The following LDB2 variants were observed in gnomAD, a reference collection of about 807,000 sequenced individuals.
LDB2 encodes the protein LIM domain binding 2.
In LDB2, 12 loss-of-function variants were observed where a neutral mutation model predicts 44.3. That is an observed-to-expected ratio of 0.27 (90% CI 0.17 to 0.44). LDB2 has a LOEUF of 0.44. LDB2 is among the 20% of genes least tolerant of loss of function. LDB2 has a pLI of 1.00. For missense variants in LDB2, 344 were observed against 473.5 expected, an observed-to-expected ratio of 0.73 and a Z score of 2.54; for synonymous variants, 164 against 174.8, an observed-to-expected ratio of 0.94 and a Z score of 0.49.
intron 2 of LDB2, among the ~76,000 whole-genome samples, chr4:16,612,609 T>C (rs558676013): frequency 7.9e-5 from 12 of 152,058 alleles, no homozygotes; most frequent in Admixed American, 2.6e-4. Context: ...CTAGAAGAAA[T>C]TGATAAATTC....
At chr4:16,838,704 G>A (rs1269456683) in intron 1 of LDB2, among the ~76,000 whole-genome samples, 1 of 152,160 alleles carries the variant, frequency 6.6e-6, no homozygotes, top group Non-Finnish European at 1.5e-5. Context: ...TCTCTGCCTG[G>A]CAGAGTAGGC....
chr4:16,548,842 A>G (rs536302413), intron 5 of LDB2, among the ~76,000 whole-genome samples: 10 of 152,378 alleles, frequency 6.6e-5, no homozygotes, highest in African/African-American at 2.4e-4. Context: ...ACATTTCACA[A>G]GGAAAACAGC....
chr4:16,775,610 A>G (rs1000005978), intron 1 of LDB2, among the ~76,000 whole-genome samples: 1 of 152,136 alleles, frequency 6.6e-6, no homozygotes, highest in African/African-American at 2.4e-5. Flanking sequence ...GGGTTTCCCT[A>G]TTCTCAGGAA....
chr4:16,747,286 A>C (rs1344354272), intron 2 of LDB2, among the ~76,000 whole-genome samples: 3 of 152,150 alleles, frequency 2.0e-5, no homozygotes, highest in Non-Finnish European at 4.4e-5. Flanking sequence ...CCATCTTTTA[A>C]AAAAATAATA....
At chr4:16,606,130 T>G (rs1412002663) in intron 2 of LDB2, among the ~76,000 whole-genome samples, 1 of 152,240 alleles carries the variant, frequency 6.6e-6, no homozygotes, top group East Asian at 1.9e-4. Flanking sequence ...CATTGTATTT[T>G]GTGTTTATTT....
intron 2 of LDB2, 65 bp downstream of exon 2, chr4:16,759,093 G>A: frequency 8.0e-6 from 8 of 1,003,422 alleles, no homozygotes; most frequent in South Asian, 1.3e-5. Flanking sequence ...ATTCTCTGAA[G>A]ACCCCTGCGG....
chr4:16,511,200 T>A (rs1056159633), intron 6 of LDB2, among the ~76,000 whole-genome samples: 1 of 152,234 alleles, frequency 6.6e-6, no homozygotes, highest in Non-Finnish European at 1.5e-5. Context: ...TGCCTCGTGT[T>A]AATAATTACT....
intron 1 of LDB2, among the ~76,000 whole-genome samples, chr4:16,880,448 G>A (rs1379424299): frequency 2.0e-5 from 3 of 152,152 alleles, no homozygotes; most frequent in Non-Finnish European, 2.9e-5. Flanking sequence ...TCACTCAGAA[G>A]GAGCACGTTT....
At chr4:16,633,134 G>T (rs1732493921) in intron 2 of LDB2, among the ~76,000 whole-genome samples, 1 of 152,180 alleles carries the variant, frequency 6.6e-6, no homozygotes, top group Non-Finnish European at 1.5e-5. Flanking sequence ...CATGTCCTTT[G>T]CAGGGACATG....
intron 2 of LDB2, among the ~76,000 whole-genome samples, chr4:16,672,604 A>T (rs1057229335): frequency 1.3e-5 from 2 of 152,234 alleles, no homozygotes; most frequent in Non-Finnish European, 2.9e-5. Context: ...TTTAGGCAGC[A>T]GCTACAGCAC....
intron 2 of LDB2, among the ~76,000 whole-genome samples, chr4:16,752,042 G>A (rs1015381072): frequency 2.0e-5 from 3 of 152,124 alleles, no homozygotes; most frequent in South Asian, 2.1e-4. Flanking sequence ...AACCCCATGC[G>A]AATAAATGCA....
intron 1 of LDB2, among the ~76,000 whole-genome samples, chr4:16,869,659 C>G (rs1051794748): frequency 1.3e-5 from 2 of 152,172 alleles, no homozygotes; most frequent in African/African-American, 4.8e-5. Flanking sequence ...GAAATCAAAA[C>G]CACTGCACCA....
chr4:16,603,458 G>A (rs1014862660), intron 2 of LDB2, among the ~76,000 whole-genome samples: 3 of 152,168 alleles, frequency 2.0e-5, no homozygotes, highest in African/African-American at 7.2e-5. Flanking sequence ...CCGTGATCTA[G>A]GCTGCTGCCT....
chr4:16,869,737 G>C lies in LDB2; in HGVS notation c.132+28617C>G, dbSNP rs73129851. Among the ~76,000 whole-genome samples, 571 of 152,242 alleles carry C rather than the reference G, an allele frequency of 3.8e-3. 5 individuals carry two copies. The highest frequency in any genetic ancestry group is 0.012 in the African/African-American group (507 of 41,524). ...CTTACGTCACAAAAGTACAGTTCAC[G>C]TGCTTCATTTTTTGAGTTTGGAGCT... On this transcript the variant is annotated intron_variant, in intron 1 of 7. Coordinates refer to ENST00000304523, the MANE Select transcript of LDB2 (RefSeq NM_001290.5).
intron 1 of LDB2, among the ~76,000 whole-genome samples, chr4:16,828,713 T>TAA (rs76994214): frequency 1.3e-5 from 2 of 151,828 alleles, no homozygotes; most frequent in African/African-American, 4.8e-5. Context: ...CACGTGCACT[T>TAA]AAAAAAATCC....
At chr4:16,880,821 G>C (rs995767223) in intron 1 of LDB2, among the ~76,000 whole-genome samples, 4 of 150,658 alleles carry the variant, frequency 2.7e-5, no homozygotes, top group Non-Finnish European at 5.9e-5. Flanking sequence ...GGAGAATAGT[G>C]TGAACCCGGG....
chr4:16,731,457 G>C (rs1760740507), intron 2 of LDB2, among the ~76,000 whole-genome samples: 1 of 152,124 alleles, frequency 6.6e-6, no homozygotes, highest in Non-Finnish European at 1.5e-5. Flanking sequence ...TGATGGATCA[G>C]TACCCTTATA....
intron 2 of LDB2, among the ~76,000 whole-genome samples, chr4:16,626,294 A>G (rs1560678138): frequency 6.6e-6 from 1 of 152,216 alleles, no homozygotes; most frequent in Non-Finnish European, 1.5e-5. Flanking sequence ...TACTTGGAGA[A>G]CATGAGATTT....
chr4:16,658,165 AAG>A (rs1396610355), intron 2 of LDB2, among the ~76,000 whole-genome samples: 1 of 152,216 alleles, frequency 6.6e-6, no homozygotes, highest in Non-Finnish European at 1.5e-5. Flanking sequence ...AGTAGGATGG[AAG>A]AGGTCAGTAT....
Sources: allele counts gnomAD v4.1 joint callset (sites outside exome capture counted in the v4.1 genomes callset), GRCh38; gene constraint gnomAD v4.1.1; transcripts MANE v1.5; gene names NCBI Gene and HGNC (gene_info 2026-07-23, HGNC 2026-07-21).